The following NLK variants were observed in gnomAD, a reference collection of about 807,000 sequenced individuals.
NLK encodes nemo like kinase, also known as serine/threonine-protein kinase NLK.
A neutral mutation model predicts 59.0 loss-of-function variants in NLK; 11 were observed. The ratio of observed to expected loss-of-function variants is 0.19; its 90% CI spans 0.12 to 0.31. The LOEUF is 0.31. Among genes scored for constraint, NLK ranks in the 10% least tolerant of loss-of-function variants. The probability of loss-of-function intolerance (pLI) is 1.00; values close to 1 mark genes in which losing one functional copy is unlikely to be tolerated. For synonymous variants in NLK, 235 were observed against 235.9 expected (o/e 1.00, Z 0.03); for missense variants, 410 against 661.1 (o/e 0.62, Z 4.16).
rs1246941926 is a variant in NLK at position 28,061,889 on chromosome 17, A to T, written c.458+18558A>T. 2.1e-5 allele frequency: 3 copies of T among 143,304 alleles called. No homozygotes were observed. The South Asian group carries it at 6.4e-4, about 30-fold the overall frequency. 8.9% of individuals were successfully genotyped at this position (143,304 alleles called of 1,614,324 possible). ...ATATACATATATATAATATATACAT[A>T]TATACATATACATACATATATACAT... On this transcript the variant is annotated intron_variant, in intron 1 of 10. Coordinates refer to ENST00000407008, the MANE Select transcript of NLK (RefSeq NM_016231.5).
At chr17:28,153,216 G>A (rs1440757180) in intron 3 of NLK, among the ~76,000 whole-genome samples, 7 of 151,432 alleles carry the variant, frequency 4.6e-5, no homozygotes, top group Non-Finnish European at 1.0e-4. Flanking sequence ...GGAGGTTGTG[G>A]TGAGCCGAGA....
chr17:28,078,062 G>A (rs1449424381), intron 1 of NLK, among the ~76,000 whole-genome samples: 2 of 151,948 alleles, frequency 1.3e-5, no homozygotes, highest in Non-Finnish European at 2.9e-5. Context: ...ATCGATTGAA[G>A]CTTATAAATG....
chr17:28,162,071 A>G (rs1026805794), intron 4 of NLK, among the ~76,000 whole-genome samples: 1 of 152,124 alleles, frequency 6.6e-6, no homozygotes, highest in Non-Finnish European at 1.5e-5. Flanking sequence ...GCTAGAGTGC[A>G]GTGGTGCGAT....
chr17:28,055,751 GA>G (rs1474215942), intron 1 of NLK, among the ~76,000 whole-genome samples: 1 of 152,040 alleles, frequency 6.6e-6, no homozygotes, highest in African/African-American at 2.4e-5. Flanking sequence ...CAGTATGAGT[GA>G]AAAAAATAGT....
Position 28,168,522 on chromosome 17 carries a change from G to A in NLK, c.912G>A (p.Gln304=), listed in dbSNP as rs757417989. The change falls in exon 6 of 11, where the codon CAG becomes CAA. Residue 304 remains glutamine (Q), a synonymous_variant. Transcript: ENST00000407008. The part of the protein sequence containing the change: ...SRHMTQEVVT[Q]YYRAPEILMG... Reference sequence around the variant, plus strand: ...ATATGACTCAGGAAGTTGTTACTCAGTATTATCGGGCTCCAGAAATCCTGA... The same window carrying A: ...ATATGACTCAGGAAGTTGTTACTCAATATTATCGGGCTCCAGAAATCCTGA... 1 of 1,613,828 alleles carries A rather than the reference G, an allele frequency of 6.2e-7. No homozygotes were observed. The highest frequency in any genetic ancestry group is 1.1e-5 in the South Asian group (1 of 91,080).
At chr17:28,166,139 T>C (rs1908223791) in intron 5 of NLK, among the ~76,000 whole-genome samples, 1 of 152,164 alleles carries the variant, frequency 6.6e-6, no homozygotes, top group Non-Finnish European at 1.5e-5. Flanking sequence ...CACTTGAACC[T>C]GAGAGGCAGA....
At chr17:28,100,490 A>G (rs1904867383) in intron 1 of NLK, among the ~76,000 whole-genome samples, 1 of 152,148 alleles carries the variant, frequency 6.6e-6, no homozygotes, top group African/African-American at 2.4e-5. Flanking sequence ...CTGTGGTTTT[A>G]ATTTGCATTT....
At chr17:28,179,691 G>A (rs1252647934) in intron 7 of NLK, among the ~76,000 whole-genome samples, 14 of 151,936 alleles carry the variant, frequency 9.2e-5, no homozygotes, top group South Asian at 2.1e-4. Context: ...CCAAGATCGC[G>A]CCTCTGCACT....
intron 1 of NLK, among the ~76,000 whole-genome samples, chr17:28,051,190 G>A (rs932082465): frequency 2.6e-5 from 4 of 151,926 alleles, no homozygotes; most frequent in Admixed American, 2.0e-4. Flanking sequence ...GAGTGATTGT[G>A]TTTGATTGAT....
chr17:28,101,329 A>G (rs1904894829), intron 1 of NLK, among the ~76,000 whole-genome samples: 1 of 152,164 alleles, frequency 6.6e-6, no homozygotes, highest in African/African-American at 2.4e-5. Context: ...TTTTGATTGG[A>G]ATTGCATAGA....
At chr17:28,166,462 C>T (rs1202233959) in intron 5 of NLK, among the ~76,000 whole-genome samples, 1 of 151,976 alleles carries the variant, frequency 6.6e-6, no homozygotes, top group African/African-American at 2.4e-5. Context: ...TTCTTTAGAA[C>T]GGGGTTTTCA....
chr17:28,171,148 C>T (rs1421575219), intron 6 of NLK: 11 of 152,048 alleles, frequency 7.2e-5, no homozygotes, highest in Non-Finnish European at 1.6e-4. Flanking sequence ...GTTAGAGATC[C>T]AAAAGTATCA....
chr17:28,141,057 A>C (rs1318334513), intron 3 of NLK, among the ~76,000 whole-genome samples: 1 of 152,208 alleles, frequency 6.6e-6, no homozygotes, highest in Non-Finnish European at 1.5e-5. Flanking sequence ...GTGCTAATAG[A>C]TGGCACAACT....
intron 5 of NLK, among the ~76,000 whole-genome samples, chr17:28,166,631 C>T (rs1017569721): frequency 6.6e-6 from 1 of 152,198 alleles, no homozygotes; most frequent in Non-Finnish European, 1.5e-5. Flanking sequence ...CCATTACTAT[C>T]TGATCTCATC....
chr17:28,179,711 G>A (rs1908822031), intron 7 of NLK, among the ~76,000 whole-genome samples: 1 of 152,046 alleles, frequency 6.6e-6, no homozygotes, highest in Admixed American at 6.6e-5. Flanking sequence ...TCTAGCCTGG[G>A]TGACAGAGTG....
intron 1 of NLK, among the ~76,000 whole-genome samples, chr17:28,093,133 A>G (rs756512946): frequency 2.0e-5 from 3 of 151,956 alleles, no homozygotes; most frequent in Non-Finnish European, 4.4e-5. Context: ...AGTTTTCCTA[A>G]ACCAGTTTTC....
intron 1 of NLK, among the ~76,000 whole-genome samples, chr17:28,076,095 G>A (rs1278801632): frequency 6.6e-6 from 1 of 152,160 alleles, no homozygotes; most frequent in Non-Finnish European, 1.5e-5. Flanking sequence ...TGGCTTTAGT[G>A]TGTTGGAGCT....
intron 1 of NLK, among the ~76,000 whole-genome samples, chr17:28,111,896 G>GTGTGTGTGT (rs1394476582): frequency 3.0e-5 from 2 of 67,484 alleles, no homozygotes; most frequent in African/African-American, 6.1e-5. Flanking sequence ...GTGTGTGTGT[G>GTGTGTGTGT]GTGTGTGTGT....
intron 1 of NLK, among the ~76,000 whole-genome samples, chr17:28,118,445 T>G (rs1905876367): frequency 6.6e-6 from 1 of 152,212 alleles, no homozygotes; most frequent in Non-Finnish European, 1.5e-5. Flanking sequence ...TGGGGGATTC[T>G]TCACATAAAA....
Sources: allele counts gnomAD v4.1 joint callset (sites outside exome capture counted in the v4.1 genomes callset), GRCh38; gene constraint gnomAD v4.1.1; transcripts MANE v1.5; gene names NCBI Gene and HGNC (gene_info 2026-07-23, HGNC 2026-07-21).